Variants in PIAS2 observed in about 807,000 individuals in gnomAD.
The protein encoded by PIAS2 is E3 SUMO-protein ligase PIAS2.
In PIAS2, 19 loss-of-function variants were observed where a neutral mutation model predicts 69.7. The ratio of observed to expected loss-of-function variants is 0.27; its 90% CI spans 0.19 to 0.40. The LOEUF (loss-of-function observed/expected upper bound fraction) is 0.40, where lower values mean the gene tolerates loss of function less well. Ranked by LOEUF, PIAS2 falls within the 10% of genes least tolerant of loss-of-function variation. The pLI is 1.00. For missense variants in PIAS2, 624 were observed against 757.0 expected, an observed-to-expected ratio of 0.82 and a Z score of 2.06; for synonymous variants, 261 against 263.2, an observed-to-expected ratio of 0.99 and a Z score of 0.08.
intron 5 of PIAS2, among the ~76,000 whole-genome samples, chr18:46,851,212 G>A (rs926090417): frequency 1.2e-4 from 19 of 152,116 alleles, no homozygotes; most frequent in Admixed American, 6.5e-5. Flanking sequence ...TAAGGAGAAG[G>A]GGGCCAGTAC....
chr18:46,916,816 T>G, intron 1 of PIAS2: 11 of 985,372 alleles, frequency 1.1e-5, no homozygotes, highest in Non-Finnish European at 1.3e-5. Context: ...AGGGGCCTTT[T>G]CTCGTGACAG....
At chr18:46,892,547 A>G (rs898216278) in intron 1 of PIAS2, among the ~76,000 whole-genome samples, 1 of 152,082 alleles carries the variant, frequency 6.6e-6, no homozygotes, top group East Asian at 1.9e-4. Flanking sequence ...CCAACACAAG[A>G]GGATCACTTG....
chr18:46,901,199 C>T, intron 1 of PIAS2: 1 of 351,980 alleles, frequency 2.8e-6, no homozygotes, highest in South Asian at 2.2e-5. Flanking sequence ...GGGCGGATCA[C>T]CTGCGGTCAG....
intron 1 of PIAS2, among the ~76,000 whole-genome samples, chr18:46,906,553 T>C (rs1267223900): frequency 2.0e-5 from 3 of 152,160 alleles, no homozygotes; most frequent in Admixed American, 6.5e-5. Context: ...TGATTTGCTA[T>C]AAAAATAATT....
At chr18:46,866,594 T>C (rs1428999307) in intron 2 of PIAS2, among the ~76,000 whole-genome samples, 2 of 152,178 alleles carry the variant, frequency 1.3e-5, no homozygotes, top group Non-Finnish European at 2.9e-5. Context: ...TAAATAAGCA[T>C]AAATGTAAAA....
At chr18:46,897,063 T>C (rs2055004462) in intron 1 of PIAS2, among the ~76,000 whole-genome samples, 1 of 152,180 alleles carries the variant, frequency 6.6e-6, no homozygotes, top group African/African-American at 2.4e-5. Flanking sequence ...ATTGTAAATT[T>C]AAGAGTGTTT....
At chr18:46,917,298 C>T in intron 1 of PIAS2, 24 bp downstream of exon 1, 1 of 1,465,760 alleles carries the variant, frequency 6.8e-7, no homozygotes, top group Non-Finnish European at 9.1e-7. Context: ...TCCCCCGCGG[C>T]CTCCGCTCTC....
Position 46,805,401 on chromosome 18 carries a change from C to A in PIAS2, c.*7032G>T, listed in dbSNP as rs2040640025. 1 of 152,136 alleles carries A rather than the reference C, an allele frequency of 6.6e-6. No individual in the cohort carries two copies. Among genetic ancestry groups the A allele is most frequent in the Admixed American group, 6.5e-5 (1 of 15,280 alleles). 9.4% of individuals were successfully genotyped at this position (152,136 alleles called of 1,614,324 possible). On this transcript the variant is annotated 3_prime_UTR_variant, in exon 14 of 14. Coordinates refer to ENST00000585916, the MANE Select transcript of PIAS2 (RefSeq NM_004671.5). ...TAATAATGACCAGAATCAAGGAAGGCAAGGAACACTGTGAGTCAAAGCTTC... is the reference window on the plus strand; with the variant it reads ...TAATAATGACCAGAATCAAGGAAGGAAAGGAACACTGTGAGTCAAAGCTTC...
intron 1 of PIAS2, among the ~76,000 whole-genome samples, chr18:46,898,699 AAAG>A (rs1388972832): frequency 3.9e-5 from 6 of 152,214 alleles, no homozygotes; most frequent in Non-Finnish European, 7.3e-5. Flanking sequence ...CTATAGAATA[AAAG>A]AAGCTTTGAG....
At chr18:46,817,135 T>C in intron 12 of PIAS2, 1 of 952,734 alleles carries the variant, frequency 1.0e-6, no homozygotes, top group African/African-American at 1.8e-5. Context: ...TTTTCTTCAT[T>C]TTTACAATAG....
chr18:46,889,863 C>T (rs907344177), intron 2 of PIAS2, among the ~76,000 whole-genome samples: 1 of 152,118 alleles, frequency 6.6e-6, no homozygotes, highest in African/African-American at 2.4e-5. Flanking sequence ...TCCTATAACA[C>T]AGAAATATAG....
chr18:46,914,265 C>T (rs1441554160), intron 1 of PIAS2, among the ~76,000 whole-genome samples: 5 of 152,110 alleles, frequency 3.3e-5, no homozygotes, highest in Non-Finnish European at 7.4e-5. Context: ...TCCTTCAATC[C>T]ATCAGGATAA....
At position 46,808,384 on chromosome 18, in the gene PIAS2, C is replaced by T. The variant is rs1235914241; in HGVS notation, c.*4049G>A. 1 of 152,142 alleles carries T rather than the reference C, an allele frequency of 6.6e-6. No homozygotes were observed. Among genetic ancestry groups the T allele is most frequent in the African/African-American group, 2.4e-5 (1 of 41,418 alleles). 9.4% of individuals were successfully genotyped at this position (152,142 alleles called of 1,614,324 possible). Reference sequence around the variant, plus strand: ...AAAAAACAAACATTATTCAACCAGGCAAGCATTAAAGAATGGACATTGGGT... The same window carrying T: ...AAAAAACAAACATTATTCAACCAGGTAAGCATTAAAGAATGGACATTGGGT... On this transcript the variant is annotated 3_prime_UTR_variant, in exon 14 of 14. Coordinates refer to ENST00000585916, the MANE Select transcript of PIAS2 (RefSeq NM_004671.5).
intron 2 of PIAS2, among the ~76,000 whole-genome samples, chr18:46,889,992 T>C (rs2053813807): frequency 6.6e-6 from 1 of 152,226 alleles, no homozygotes; most frequent in African/African-American, 2.4e-5. Flanking sequence ...ATGTATACTA[T>C]TGTATTATTT....
At chr18:46,817,009 G>A (rs1384567603) in intron 12 of PIAS2, 1 of 927,428 alleles carries the variant, frequency 1.1e-6, no homozygotes, top group Non-Finnish European at 1.3e-6. Context: ...TCAGAGTTTT[G>A]CATTTTCAAT....
At position 46,834,631 on chromosome 18, in the gene PIAS2, T is replaced by C. The variant is rs536644919; in HGVS notation, c.1202+1726A>G. Among the ~76,000 whole-genome samples, 24 of 152,022 alleles carry C rather than the reference T, an allele frequency of 1.6e-4. No homozygotes were observed. The South Asian group carries it at 4.6e-3, about 29-fold the overall frequency. ...TTGTTCCATTTTGTTTTGTTTACTT[T>C]TGAAACAGAGTCTTTCTCCATCACC... On this transcript the variant is annotated intron_variant, in intron 9 of 13. Coordinates refer to ENST00000585916, the MANE Select transcript of PIAS2 (RefSeq NM_004671.5).
intron 2 of PIAS2, among the ~76,000 whole-genome samples, chr18:46,877,597 T>C (rs2051442714): frequency 6.6e-6 from 1 of 152,096 alleles, no homozygotes. Flanking sequence ...ACAAACAGCC[T>C]CCCCCTTCCT....
chr18:46,811,891 A>C lies in PIAS2; in HGVS notation c.*542T>G, dbSNP rs2041025892. 1 of 152,234 alleles carries C rather than the reference A, an allele frequency of 6.6e-6. No homozygotes were observed. Among genetic ancestry groups the C allele is most frequent in the South Asian group, 2.1e-4 (1 of 4,834 alleles). 9.4% of individuals were successfully genotyped at this position (152,234 alleles called of 1,614,324 possible). A position where few individuals can be genotyped will look rare whatever the true frequency, so the allele number is the denominator to read the frequency against. On this transcript the variant is annotated 3_prime_UTR_variant, in exon 14 of 14. Transcript: ENST00000585916. ...AGTGGAAATGCAGGACGAAAAGTGG[A>C]ATCCAAGCTTTGGCCACGTACTGAA...
chr18:46,806,811 C>A lies in PIAS2; in HGVS notation c.*5622G>T, dbSNP rs1568311289. The A allele has an allele frequency of 6.6e-6, 1 of 152,142 alleles. No individual in the cohort carries two copies. The highest frequency in any genetic ancestry group is 1.5e-5 in the Non-Finnish European group (1 of 68,034). The allele number at this position is 152,142 out of a possible 1,614,324, so 9.4% of individuals were successfully genotyped here. ...AAAATAAGAGGCATATGCTATTCTA[C>A]AACACGGTAACACTCTTCGTCACTT... On this transcript the variant is annotated 3_prime_UTR_variant, in exon 14 of 14. Transcript: ENST00000585916.
Sources: allele counts gnomAD v4.1 joint callset (sites outside exome capture counted in the v4.1 genomes callset), GRCh38; gene constraint gnomAD v4.1.1; transcripts MANE v1.5; gene names NCBI Gene and HGNC (gene_info 2026-07-23, HGNC 2026-07-21).